The following ZNF462 variants were observed in gnomAD, a reference collection of about 807,000 sequenced individuals.
The protein encoded by ZNF462 is zinc finger PBX1-interacting protein.
Under a neutral mutation model 201.9 loss-of-function variants are expected in ZNF462, and 10 were observed. The ratio of observed to expected loss-of-function variants is 0.05; its 90% CI spans 0.03 to 0.08. The LOEUF is 0.08. Among genes scored for constraint, ZNF462 ranks in the 10% least tolerant of loss-of-function variants. ZNF462 has a pLI of 1.00. For missense variants in ZNF462, 2,523 were observed against 3,168.3 expected (o/e 0.80, Z 4.89); for synonymous variants, 1,227 against 1,193.3 (o/e 1.03, Z -0.58).
rs113635385 is a variant in ZNF462 at position 106,902,115 on chromosome 9, G to A, written c.-30-21239G>A. ...CTCTCGTATGCTGATTTTGCCAAGCGTTTTAATCATAAAGGGATGCTGGAT... is the reference window on the plus strand; with the variant it reads ...CTCTCGTATGCTGATTTTGCCAAGCATTTTAATCATAAAGGGATGCTGGAT... On this transcript the variant is annotated intron_variant, in intron 1 of 12. Coordinates refer to ENST00000277225, the MANE Select transcript of ZNF462 (RefSeq NM_021224.6). This position sits in a 1 kb window ranked among gnomAD's most constrained non-coding sequence, Gnocchi z 4.2. Among the ~76,000 whole-genome samples the A allele has an allele frequency of 4.4e-4, 67 of 152,094 alleles. No homozygotes were observed. The highest frequency in any genetic ancestry group is 2.1e-3 in the Admixed American group (32 of 15,278).
chr9:106,974,418 C>T lies in ZNF462; in HGVS notation c.6832+145C>T. 7.7e-7 allele frequency: 1 copy of T among 1,295,712 alleles called. No homozygotes were observed. The highest frequency in any genetic ancestry group is 1.5e-5 in the African/African-American group (1 of 68,692). 80.3% of individuals were successfully genotyped at this position (1,295,712 alleles called of 1,614,324 possible). A position where few individuals can be genotyped will look rare whatever the true frequency, so the allele number is the denominator to read the frequency against. ...AGGCAAGAAACCACAGTGATAACCACAGTGACAGCCAAAAGGGCAAAAACA... is the reference window on the plus strand; with the variant it reads ...AGGCAAGAAACCACAGTGATAACCATAGTGACAGCCAAAAGGGCAAAAACA... On this transcript the variant is annotated intron_variant, in intron 9 of 12. Coordinates refer to ENST00000277225, the MANE Select transcript of ZNF462 (RefSeq NM_021224.6). The surrounding 1 kb of genome is among the most constrained non-coding windows in gnomAD (Gnocchi z 4.0).
intron 7 of ZNF462, among the ~76,000 whole-genome samples, chr9:106,944,651 G>A (rs1831025696): frequency 6.6e-6 from 1 of 152,134 alleles, no homozygotes; most frequent in South Asian, 2.1e-4. Flanking sequence ...TTAAGATGCT[G>A]TAAAATTCTA....
At chr9:106,889,732 T>C (rs1828492475) in intron 1 of ZNF462, among the ~76,000 whole-genome samples, 1 of 152,246 alleles carries the variant, frequency 6.6e-6, no homozygotes, top group Non-Finnish European at 1.5e-5. Flanking sequence ...ACCTAGACCC[T>C]GCCTTTCAGA....
At chr9:106,860,210 C>G (rs1193639394), upstream of ZNF462, among the ~76,000 whole-genome samples, 1 of 152,158 alleles carries the variant, frequency 6.6e-6, no homozygotes, top group Non-Finnish European at 1.5e-5. The surrounding 1 kb of genome is among the most constrained non-coding windows in gnomAD (Gnocchi z 7.1). Context: ...CTCGGTCGCT[C>G]GAGGTGAGTG....
chr9:106,864,049 T>TCTCC, intron 1 of ZNF462, among the ~76,000 whole-genome samples: 1 of 43,952 alleles, frequency 2.3e-5, no homozygotes, highest in Admixed American at 2.1e-4. Flanking sequence ...GCTCTCTCTC[T>TCTCC]CTCTCTCTCT....
chr9:106,965,227 G>T (rs1251099334), intron 7 of ZNF462, among the ~76,000 whole-genome samples: 1 of 152,066 alleles, frequency 6.6e-6, no homozygotes, highest in African/African-American at 2.4e-5. Context: ...GGATCCCCAA[G>T]GATGCAATAC....
intron 10 of ZNF462, among the ~76,000 whole-genome samples, chr9:106,990,168 A>G (rs370515580): frequency 1.8e-3 from 281 of 152,062 alleles, no homozygotes; most frequent in African/African-American, 6.3e-3. Flanking sequence ...TCTTGATATC[A>G]TTTTTGACCC....
intron 1 of ZNF462, among the ~76,000 whole-genome samples, chr9:106,873,268 G>T (rs150542968): frequency 6.6e-6 from 1 of 152,064 alleles, no homozygotes; most frequent in Non-Finnish European, 1.5e-5. Context: ...ACTTAAGAGC[G>T]CCCTTTTCTG....
intron 10 of ZNF462, among the ~76,000 whole-genome samples, chr9:106,985,508 A>G (rs1827772725): frequency 6.6e-6 from 1 of 152,178 alleles, no homozygotes; most frequent in African/African-American, 2.4e-5. Flanking sequence ...TGAGATGATC[A>G]TTTCTGGTAT....
At chr9:106,940,121 C>T (rs942319525) in intron 7 of ZNF462, among the ~76,000 whole-genome samples, 5 of 152,130 alleles carry the variant, frequency 3.3e-5, no homozygotes, top group Non-Finnish European at 7.4e-5. Flanking sequence ...ATGATGGTCA[C>T]GTTTCCCTGG....
intron 1 of ZNF462, among the ~76,000 whole-genome samples, chr9:106,871,682 T>C (rs549452302): frequency 6.6e-5 from 10 of 152,346 alleles, no homozygotes; most frequent in Admixed American, 3.3e-4. Flanking sequence ...TTTATGTGAC[T>C]TTGGGGTTAC....
At chr9:106,971,613 A>G (rs893245999) in intron 7 of ZNF462, among the ~76,000 whole-genome samples, 1 of 151,770 alleles carries the variant, frequency 6.6e-6, no homozygotes, top group Non-Finnish European at 1.5e-5. Context: ...CAAAACTAAC[A>G]TTGGTCAAAA....
intron 1 of ZNF462, among the ~76,000 whole-genome samples, chr9:106,904,673 C>A (rs147159002): frequency 0.043 from 6,474 of 152,170 alleles, 181 homozygotes; most frequent in Non-Finnish European, 0.066. Context: ...AATTTGAAGA[C>A]CTTATCTTCA....
chr9:106,860,530 T>TACGACCC (rs1205679760), upstream of ZNF462, among the ~76,000 whole-genome samples: 2 of 152,082 alleles, frequency 1.3e-5, no homozygotes, highest in Non-Finnish European at 2.9e-5. The surrounding 1 kb of genome is among the most constrained non-coding windows in gnomAD (Gnocchi z 7.1). Context: ...TCTTAGGACT[T>TACGACCC]ACGACCCAAG....
In ZNF462 at chr9:106,928,557, G is replaced by A. The variant is rs1482537171; in HGVS notation, c.4645G>A (p.Val1549Met). The part of the protein sequence containing the change: ...PSIKVTAEDF[V>M]HDVEQSADIS... ...CATCAAGGTGACCGCTGAGGACTTT[G>A]TGCACGACGTAGAGCAGTCTGCTGA... is the stretch of plus-strand genomic sequence containing the variant. The change falls in exon 3 of 13, where the codon GTG becomes ATG. Residue 1549 changes from valine to methionine, a missense_variant. By Grantham distance (21) the Val-to-Met change is conservative. This residue lies in a region of ZNF462 where 200 missense variants were observed against 281.3 expected (regional missense o/e 0.71). Transcript: ENST00000277225. The surrounding 1 kb of genome is among the most constrained non-coding windows in gnomAD (Gnocchi z 9.3). 1 of 1,614,110 alleles carries A rather than the reference G, an allele frequency of 6.2e-7. No homozygotes were observed.
At position 106,890,738 on chromosome 9, in the gene ZNF462, G is replaced by A. The variant is rs115395345; in HGVS notation, c.-31+27383G>A. Among the ~76,000 whole-genome samples, 870 of 152,236 alleles carry A rather than the reference G, an allele frequency of 5.7e-3. 9 individuals are homozygous for A. Among genetic ancestry groups the A allele is most frequent in the African/African-American group, 0.02 (822 of 41,526 alleles). On this transcript the variant is annotated intron_variant, in intron 1 of 12. Coordinates refer to ENST00000277225, the MANE Select transcript of ZNF462 (RefSeq NM_021224.6). The surrounding 1 kb of genome is among the most constrained non-coding windows in gnomAD (Gnocchi z 4.2). ...CTCTGCTCTAAGGCTCATGTCACTC[G>A]CATCATGCTGTGACATGAAACAATA... is the stretch of plus-strand genomic sequence containing the variant.
In ZNF462 at chr9:106,924,774, G is replaced by A; in HGVS notation, c.862G>A (p.Val288Met). Residue 288 changes from valine to methionine, a missense_variant, in exon 3 of 13, where the codon GTG becomes ATG. Physicochemically the swap from Val to Met is conservative, Grantham distance 21 (BLOSUM62 1). Transcript: ENST00000277225. This position sits in a 1 kb window ranked among gnomAD's most constrained non-coding sequence, Gnocchi z 6.2. ...ACAAGAAGGAACTAATCTACCTGAT[G>A]TGCCGAACAAGAGTGCCCCCAGCCC... ...QQQEGTNLPD[V>M]PNKSAPSPTS... 1 of 1,614,120 alleles carries A rather than the reference G, an allele frequency of 6.2e-7. No homozygotes were observed. The highest frequency in any genetic ancestry group is 8.5e-7 in the Non-Finnish European group (1 of 1,180,036).
At chr9:106,957,265 A>G (rs1396731939) in intron 7 of ZNF462, among the ~76,000 whole-genome samples, 1 of 152,094 alleles carries the variant, frequency 6.6e-6, no homozygotes, top group African/African-American at 2.4e-5. Flanking sequence ...AGGGAGGTCC[A>G]AGGAGAGGGA....
rs1407880399 is a variant in ZNF462, at chr9:106,930,569, A to C, written c.5892A>C (p.Lys1964Asn). ...AGGTGCCAAAGATCAAGGAGAGGAA[A>C]GTGGTGGGCTACAAATGTAAATTCT... ...LEEVPKIKER[K>N]VVGYKCKFCV... Residue 1964 changes from lysine to asparagine, a missense_variant, in exon 4 of 13, where the codon AAA becomes AAC. Coordinates refer to ENST00000277225, the MANE Select transcript of ZNF462 (RefSeq NM_021224.6). This position sits in a 1 kb window ranked among gnomAD's most constrained non-coding sequence, Gnocchi z 5.8. 1 of 1,614,160 alleles carries C rather than the reference A, an allele frequency of 6.2e-7. No individual in the cohort carries two copies. Among genetic ancestry groups the C allele is most frequent in the South Asian group, 1.1e-5 (1 of 91,078 alleles).
Sources: gnomAD v4.1 joint callset for allele counts (sites outside exome capture counted in the v4.1 genomes callset) on GRCh38, gnomAD v4.1.1 for gene constraint, gnomAD v4.1.1 regional missense constraint, Gnocchi (gnomAD v3.1) non-coding constraint, MANE v1.5 for transcripts, NCBI Gene and HGNC (gene_info 2026-07-23, HGNC 2026-07-21) for gene names.